Variants in CFAP299 observed in about 807,000 individuals in gnomAD.
CFAP299 encodes the protein cilia and flagella associated protein 299.
A neutral mutation model predicts 27.0 loss-of-function variants in CFAP299; 21 were observed. That is an observed-to-expected ratio of 0.78 (90% CI 0.55 to 1.12). CFAP299 has a LOEUF of 1.12. Among genes scored for constraint, CFAP299 ranks in the 50% most tolerant of loss-of-function variants. The pLI, the probability that CFAP299 is intolerant of heterozygous loss-of-function variation, is 0.00. For missense variants in CFAP299, 310 were observed against 276.6 expected (o/e 1.12, Z -0.86); for synonymous variants, 104 against 98.1 (o/e 1.06, Z -0.36).
At chr4:80,606,592 T>C (rs1340734325) in intron 3 of CFAP299, among the ~76,000 whole-genome samples, 1 of 152,148 alleles carries the variant, frequency 6.6e-6, no homozygotes, top group Non-Finnish European at 1.5e-5. Flanking sequence ...TACAAAGAGA[T>C]GTACATTTGT....
Position 80,696,155 on chromosome 4 carries a change from G to A in CFAP299, c.333+112972G>A, listed in dbSNP as rs558440371. The stretch of plus-strand genomic sequence containing the variant: ...TCTCTACTAAAAATACAAAAAATTA[G>A]CCTGGCATGGTGGCACGCACGTGTA... On this transcript the variant is annotated intron_variant, in intron 3 of 5. Coordinates refer to ENST00000358105, the MANE Select transcript of CFAP299 (RefSeq NM_152770.3). Among the ~76,000 whole-genome samples, 14 of 152,020 alleles carry A rather than the reference G, an allele frequency of 9.2e-5. No individual in the cohort carries two copies. The East Asian group carries it at 2.5e-3, about 27-fold the overall frequency.
chr4:80,412,847 C>A (rs971447607), intron 2 of CFAP299, among the ~76,000 whole-genome samples: 1 of 152,096 alleles, frequency 6.6e-6, no homozygotes, highest in Non-Finnish European at 1.5e-5. Context: ...ATAGGGATGG[C>A]AATTATCTTC....
chr4:80,916,627 G>A (rs1380226816), intron 4 of CFAP299, among the ~76,000 whole-genome samples: 4 of 151,780 alleles, frequency 2.6e-5, no homozygotes, highest in Admixed American at 1.3e-4. Flanking sequence ...GTGAGTTCTG[G>A]TAATTCTTCC....
intron 3 of CFAP299, among the ~76,000 whole-genome samples, chr4:80,688,861 G>A (rs1398149379): frequency 6.6e-6 from 1 of 152,114 alleles, no homozygotes; most frequent in East Asian, 1.9e-4. Context: ...AGCTGATGGA[G>A]CTGAAAACCA....
At chr4:80,898,889 TA>T (rs1366220640) in intron 4 of CFAP299, among the ~76,000 whole-genome samples, 1 of 152,084 alleles carries the variant, frequency 6.6e-6, no homozygotes, top group East Asian at 1.9e-4. Flanking sequence ...TTAGACAAAA[TA>T]ATCAAGAACA....
At chr4:80,328,950 A>G in the CFAP299 span, among the ~76,000 whole-genome samples, 13 of 152,008 alleles carry the variant, frequency 8.6e-5, no homozygotes, top group Non-Finnish European at 1.8e-4. Flanking sequence ...TTTTTCTCAT[A>G]TATTTTCCAC....
chr4:80,559,762 A>G (rs1734950902), intron 2 of CFAP299, among the ~76,000 whole-genome samples: 2 of 152,182 alleles, frequency 1.3e-5, no homozygotes, highest in Non-Finnish European at 2.9e-5. Flanking sequence ...ATGCCTGCCC[A>G]TGGAAGGAGC....
At chr4:80,876,115 A>C (rs537308920) in intron 4 of CFAP299, among the ~76,000 whole-genome samples, 1 of 148,574 alleles carries the variant, frequency 6.7e-6, no homozygotes, top group Non-Finnish European at 1.5e-5. Context: ...TAAATAATTT[A>C]TATATTACAT....
chr4:80,722,276 A>AC (rs1310009666), intron 3 of CFAP299, among the ~76,000 whole-genome samples: 2 of 151,838 alleles, frequency 1.3e-5, no homozygotes, highest in East Asian at 3.9e-4. Flanking sequence ...AACTAGTCAG[A>AC]CGTGGTGGCG....
intron 1 of CFAP299, among the ~76,000 whole-genome samples, chr4:80,346,628 G>A (rs957229283): frequency 2.0e-5 from 3 of 150,032 alleles, no homozygotes; most frequent in Non-Finnish European, 4.5e-5. Context: ...TGTTCCCTTG[G>A]TCTATATCTC....
intron 2 of CFAP299, among the ~76,000 whole-genome samples, chr4:80,532,742 A>C (rs528162986): frequency 1.3e-5 from 2 of 152,240 alleles, no homozygotes; most frequent in East Asian, 3.9e-4. Context: ...TTCTGTTGAT[A>C]TTTATAAATC....
chr4:80,409,834 C>G (rs1432380269), intron 2 of CFAP299, among the ~76,000 whole-genome samples: 4 of 152,122 alleles, frequency 2.6e-5, no homozygotes, highest in Non-Finnish European at 4.4e-5. Context: ...AAAAAAAGGG[C>G]AAGCACACCA....
chr4:80,428,783 C>T (rs528739286), intron 2 of CFAP299, among the ~76,000 whole-genome samples: 1 of 151,720 alleles, frequency 6.6e-6, no homozygotes, highest in East Asian at 1.9e-4. Flanking sequence ...TCATGATTTG[C>T]CTGCCTTGGC....
At chr4:80,576,197 A>AAAATAT (rs980515680) in intron 2 of CFAP299, among the ~76,000 whole-genome samples, 4 of 32,460 alleles carry the variant, frequency 1.2e-4, no homozygotes, top group South Asian at 1.8e-3. Context: ...TAAAAAAAAA[A>AAAATAT]ATATATATAT....
chr4:80,680,137 A>G (rs1430204842), intron 3 of CFAP299, among the ~76,000 whole-genome samples: 1 of 150,694 alleles, frequency 6.6e-6, no homozygotes, highest in Non-Finnish European at 1.5e-5. Flanking sequence ...CCAGAAGTCA[A>G]CTCTCATTTA....
intron 1 of CFAP299, among the ~76,000 whole-genome samples, chr4:80,341,309 A>G (rs373426664): frequency 6.6e-6 from 1 of 152,262 alleles, no homozygotes; most frequent in South Asian, 2.1e-4. Context: ...GGATCCCCCA[A>G]CGCAGCACAC....
chr4:80,377,484 A>G (rs752861216), intron 2 of CFAP299, among the ~76,000 whole-genome samples: 13 of 151,782 alleles, frequency 8.6e-5, no homozygotes, highest in Admixed American at 2.6e-4. Flanking sequence ...TTATATGTCT[A>G]TCTTTATGCC....
At chr4:80,812,823 G>A (rs1729224415) in intron 3 of CFAP299, among the ~76,000 whole-genome samples, 1 of 151,992 alleles carries the variant, frequency 6.6e-6, no homozygotes, top group South Asian at 2.1e-4. Flanking sequence ...CTAAAATATG[G>A]TTGAGATTTC....
At chr4:80,526,999 T>C in intron 2 of CFAP299, among the ~76,000 whole-genome samples, 1 of 151,658 alleles carries the variant, frequency 6.6e-6, no homozygotes, top group East Asian at 1.9e-4. Context: ...TTGGGCCAGT[T>C]ACTTAAATTT....
Sources: allele counts gnomAD v4.1 joint callset (sites outside exome capture counted in the v4.1 genomes callset), GRCh38; gene constraint gnomAD v4.1.1; transcripts MANE v1.5; gene names NCBI Gene and HGNC (gene_info 2026-07-23, HGNC 2026-07-21).